DPP6: variants seen among roughly 807,000 people sequenced by gnomAD.
DPP6 encodes the protein A-type potassium channel modulatory protein DPP6.
A neutral mutation model predicts 122.6 loss-of-function variants in DPP6; 69 were observed. The ratio of observed to expected loss-of-function variants is 0.56; its 90% confidence interval spans 0.46 to 0.69. DPP6 has a LOEUF of 0.69. DPP6 is among the 30% of genes least tolerant of loss of function. The probability of loss-of-function intolerance (pLI) is 0.00; values close to 1 mark genes in which losing one functional copy is unlikely to be tolerated. For missense variants in DPP6, 928 were observed against 1,116.9 expected, an observed-to-expected ratio of 0.83 and a Z score of 2.41; for synonymous variants, 418 against 433.1, an observed-to-expected ratio of 0.97 and a Z score of 0.43.
At chr7:154,811,585 ATGT>A (rs1165186762) in intron 16 of DPP6, among the ~76,000 whole-genome samples, 4 of 152,226 alleles carry the variant, frequency 2.6e-5, no homozygotes, top group African/African-American at 7.2e-5. Context: ...AGCACAAGAA[ATGT>A]TGTAAGATTA....
intron 1 of DPP6, among the ~76,000 whole-genome samples, chr7:154,033,308 G>A (rs1444042696): frequency 1.3e-5 from 2 of 152,184 alleles, no homozygotes; most frequent in Admixed American, 6.5e-5. Flanking sequence ...CATATCTGTG[G>A]TTAAGACAGT....
chr7:153,873,742 T>C, the DPP6 span, among the ~76,000 whole-genome samples: 1 of 152,200 alleles, frequency 6.6e-6, no homozygotes, highest in Non-Finnish European at 1.5e-5. Context: ...ACAAATCCGC[T>C]ATCAGGAACA....
chr7:154,719,395 G>T (rs1448866795), intron 7 of DPP6, among the ~76,000 whole-genome samples: 1 of 150,664 alleles, frequency 6.6e-6, no homozygotes, highest in East Asian at 1.9e-4. Context: ...GGGGGTGGAA[G>T]GAAGGGAGGA....
At chr7:153,776,787 T>G in the DPP6 span, among the ~76,000 whole-genome samples, 2 of 152,148 alleles carry the variant, frequency 1.3e-5, no homozygotes, top group Non-Finnish European at 2.9e-5. Flanking sequence ...AATTATAGAC[T>G]CACATGTAAA....
chr7:154,756,689 C>G (rs920827378), intron 8 of DPP6, among the ~76,000 whole-genome samples: 1 of 152,158 alleles, frequency 6.6e-6, no homozygotes, highest in Non-Finnish European at 1.5e-5. Context: ...CTCCTCTCCC[C>G]TCCCCATCCA....
At chr7:154,534,225 G>A (rs1828062555) in intron 3 of DPP6, among the ~76,000 whole-genome samples, 1 of 151,672 alleles carries the variant, frequency 6.6e-6, no homozygotes, top group South Asian at 2.1e-4. Flanking sequence ...AGAATAGAAG[G>A]GAACTTCCTC....
At chr7:154,756,591 A>G (rs1843684934) in intron 8 of DPP6, among the ~76,000 whole-genome samples, 1 of 152,016 alleles carries the variant, frequency 6.6e-6, no homozygotes, top group South Asian at 2.1e-4. Context: ...TTCAGCCTCG[A>G]AAGTCTAGCT....
In DPP6 at chr7:154,516,003, C is replaced by T. The variant is rs76005371; in HGVS notation, c.458-24529C>T. ...TCAGTAAATTTTGCCAAATTCGATCCATGGTATACATTACACCTACTACCT... is the reference window on the plus strand; with the variant it reads ...TCAGTAAATTTTGCCAAATTCGATCTATGGTATACATTACACCTACTACCT... On this transcript the variant is annotated intron_variant, in intron 3 of 25. Coordinates refer to ENST00000377770, the MANE Select transcript of DPP6 (RefSeq NM_130797.4). Among the ~76,000 whole-genome samples, 514 of 152,310 alleles carry T rather than the reference C, an allele frequency of 3.4e-3. 4 individuals are homozygous for T. Among genetic ancestry groups the T allele is most frequent in the African/African-American group, 0.012 (501 of 41,576 alleles).
At chr7:154,224,081 A>G (rs1800457345) in intron 1 of DPP6, among the ~76,000 whole-genome samples, 1 of 148,020 alleles carries the variant, frequency 6.8e-6, no homozygotes, top group African/African-American at 2.6e-5. Flanking sequence ...ACTGCAGCCC[A>G]GGAGGGGACA....
chr7:154,195,676 G>T (rs1409129541), intron 1 of DPP6, among the ~76,000 whole-genome samples: 1 of 152,178 alleles, frequency 6.6e-6, no homozygotes, highest in Non-Finnish European at 1.5e-5. Flanking sequence ...CAGTTGAGAT[G>T]ATTTCCCTGC....
intron 4 of DPP6, among the ~76,000 whole-genome samples, chr7:154,550,211 T>A (rs1436280221): frequency 2.0e-5 from 3 of 152,224 alleles, no homozygotes; most frequent in Non-Finnish European, 4.4e-5. Flanking sequence ...TCAAGTTACT[T>A]CCTTGTTAAC....
chr7:154,114,757 G>A (rs1345426541), intron 1 of DPP6, among the ~76,000 whole-genome samples: 1 of 152,166 alleles, frequency 6.6e-6, no homozygotes, highest in Non-Finnish European at 1.5e-5. Context: ...TTCCACTTTT[G>A]GAAGTGTTCC....
At chr7:153,787,024 T>C in the DPP6 span, among the ~76,000 whole-genome samples, 1 of 147,198 alleles carries the variant, frequency 6.8e-6, no homozygotes, top group African/African-American at 2.5e-5. Context: ...CGATCTCAGT[T>C]CACTGCAAGC....
intron 1 of DPP6, among the ~76,000 whole-genome samples, chr7:154,137,558 G>A (rs1210366002): frequency 1.3e-5 from 2 of 150,408 alleles, no homozygotes; most frequent in Non-Finnish European, 3.0e-5. Flanking sequence ...GAGCAGGCTG[G>A]TGTCAGGTTC....
chr7:154,646,264 C>T (rs1836473831), intron 6 of DPP6, among the ~76,000 whole-genome samples: 1 of 152,146 alleles, frequency 6.6e-6, no homozygotes, highest in African/African-American at 2.4e-5. Context: ...ATGCCACAAT[C>T]AGTGAGTTTT....
chr7:154,131,323 G>A (rs1052828307), intron 1 of DPP6, among the ~76,000 whole-genome samples: 5 of 152,180 alleles, frequency 3.3e-5, no homozygotes, highest in African/African-American at 7.2e-5. Context: ...TTCCAGGAAC[G>A]TCAGTTGTGA....
chr7:154,729,045 C>T (rs1842208412), intron 8 of DPP6, among the ~76,000 whole-genome samples: 1 of 152,136 alleles, frequency 6.6e-6, no homozygotes, highest in South Asian at 2.1e-4. Flanking sequence ...ATAGATGAGG[C>T]ATGGTTAGGT....
chr7:154,006,462 C>T (rs1797916553), intron 1 of DPP6, among the ~76,000 whole-genome samples: 1 of 152,162 alleles, frequency 6.6e-6, no homozygotes, highest in African/African-American at 2.4e-5. Flanking sequence ...CACAGGTGTG[C>T]TCAACTGCTA....
chr7:153,989,718 C>T (rs1208224475), intron 1 of DPP6, among the ~76,000 whole-genome samples: 2 of 151,988 alleles, frequency 1.3e-5, no homozygotes, highest in African/African-American at 2.4e-5. Context: ...TGGTGTGGTG[C>T]AGAGGTAGGA....
Sources: allele counts gnomAD v4.1 joint callset (sites outside exome capture counted in the v4.1 genomes callset), GRCh38; gene constraint gnomAD v4.1.1; transcripts MANE v1.5; gene names NCBI Gene and HGNC (gene_info 2026-07-23, HGNC 2026-07-21).